EML2: variants seen among roughly 807,000 people sequenced by gnomAD.
The protein encoded by EML2 is EMAP like 2, also known as echinoderm microtubule-associated protein-like 2.
In EML2, 59 loss-of-function variants were observed where a neutral mutation model predicts 84.7. The observed-to-expected ratio is 0.70, with a 90% CI of 0.56 to 0.86. The LOEUF (loss-of-function observed/expected upper bound fraction) is 0.86, where lower values mean the gene tolerates loss of function less well. EML2 is among the 40% of genes least tolerant of loss of function. The pLI, the probability that EML2 is intolerant of heterozygous loss-of-function variation, is 0.00. For missense variants in EML2, 818 were observed against 855.6 expected (o/e 0.96, Z 0.55); for synonymous variants, 352 against 348.9 (o/e 1.01, Z -0.10).
At chr19:45,622,321 C>T (rs1971809043) in intron 9 of EML2, among the ~76,000 whole-genome samples, 1 of 152,142 alleles carries the variant, frequency 6.6e-6, no homozygotes, top group Admixed American at 6.6e-5. Context: ...TTCATCCACC[C>T]ATCTCTCTAC....
At chr19:45,614,401 T>C (rs1036388190) in intron 17 of EML2, among the ~76,000 whole-genome samples, 1 of 151,842 alleles carries the variant, frequency 6.6e-6, no homozygotes, top group African/African-American at 2.4e-5. Context: ...CCTGGCCAGT[T>C]ACCACGCCCA....
intron 7 of EML2, among the ~76,000 whole-genome samples, chr19:45,628,373 GA>G (rs963660391): frequency 1.3e-4 from 18 of 135,986 alleles, no homozygotes; most frequent in South Asian, 2.3e-4. Context: ...ATCTCAAATA[GA>G]AAAAAAAAAA....
rs1450294616 is a variant in EML2 at position 45,609,574 on chromosome 19, A to G, written c.*89T>C. 2.9e-6 allele frequency: 4 copies of G among 1,363,682 alleles called. No individual in the cohort carries two copies. The highest frequency in any genetic ancestry group is 3.9e-6 in the Non-Finnish European group (4 of 1,034,938). The allele number at this position is 1,363,682 out of a possible 1,614,324, so 84.5% of individuals were successfully genotyped here. The stretch of plus-strand genomic sequence containing the variant: ...CCCCATAACCCCCTCTGCTATAGAC[A>G]TACTCTGGGTATATATTACTCTACT... On this transcript the variant is annotated 3_prime_UTR_variant, in exon 19 of 19. Coordinates refer to ENST00000245925, the MANE Select transcript of EML2 (RefSeq NM_012155.4).
intron 3 of EML2, among the ~76,000 whole-genome samples, chr19:45,635,561 A>G (rs1973625650): frequency 6.6e-6 from 1 of 150,756 alleles, no homozygotes; most frequent in African/African-American, 2.4e-5. Context: ...TCCCACTCCA[A>G]AAAAAAATGA....
At chr19:45,635,587 T>G (rs941214698) in intron 3 of EML2, among the ~76,000 whole-genome samples, 10 of 97,834 alleles carry the variant, frequency 1.0e-4, no homozygotes, top group African/African-American at 5.1e-4. Flanking sequence ...TGTTTCCTTT[T>G]TTTTTTTTTT....
At chr19:45,641,944 G>A, upstream of EML2, 1 of 1,443,908 alleles carries the variant, frequency 6.9e-7, no homozygotes, top group South Asian at 1.5e-5. Flanking sequence ...CCTCCTTCTT[G>A]GGAGAGGATG....
intron 16 of EML2, 180 bp from the exon 17 acceptor site, chr19:45,614,880 G>A (rs530921456): frequency 9.4e-5 from 52 of 553,190 alleles, no homozygotes; most frequent in East Asian, 3.2e-4. Flanking sequence ...AGCCCGCAGC[G>A]TAAGCAGGAG....
At position 45,614,666 on chromosome 19, in the gene EML2, C is replaced by T. The variant is rs750362474; in HGVS notation, c.1632G>A (p.Ala544=). Residue 544 remains alanine (A), a synonymous_variant, in exon 17 of 19, where the codon GCG becomes GCA. Transcript: ENST00000245925. ...CCCATTCCATGTTCCTCACAGCATC[C>T]GCACTGGTGATCTGCTTACAGGTAG... ...DPATCKQITS[A]DAVRNMEWAT... The T allele has an allele frequency of 3.9e-5, 63 of 1,613,926 alleles. No homozygotes were observed. The Admixed American group carries it at 6.7e-4, about 17-fold the overall frequency.
intron 18 of EML2, among the ~76,000 whole-genome samples, chr19:45,613,200 T>C (rs1970671151): frequency 6.6e-6 from 1 of 152,154 alleles, no homozygotes; most frequent in South Asian, 2.1e-4. Context: ...CAACTGGCCT[T>C]GGCCTCCCTT....
chr19:45,622,571 C>G (rs1310724961), intron 9 of EML2, among the ~76,000 whole-genome samples: 1 of 152,046 alleles, frequency 6.6e-6, no homozygotes, highest in Non-Finnish European at 1.5e-5. Context: ...GCTGGGATTA[C>G]AGGCATGTGC....
chr19:45,630,101 TC>T, intron 6 of EML2, 55 bp from the exon 7 acceptor site: 4 of 1,327,414 alleles, frequency 3.0e-6, no homozygotes, highest in Admixed American at 3.5e-5. Context: ...GGGCCCATCC[TC>T]CCCCCATGCC....
At chr19:45,617,854 A>C (rs1971267850) in intron 12 of EML2, among the ~76,000 whole-genome samples, 157 bp from the exon 13 acceptor site, 2 of 152,072 alleles carry the variant, frequency 1.3e-5, no homozygotes, top group Admixed American at 1.3e-4. Context: ...CATGGCAGCC[A>C]TTCCTCTTTA....
chr19:45,623,288 G>A (rs1971937247), intron 9 of EML2, among the ~76,000 whole-genome samples: 1 of 152,066 alleles, frequency 6.6e-6, no homozygotes. Context: ...GAACCCAGGA[G>A]GCAGAGCTTG....
chr19:45,642,819 A>C (rs1385466634), upstream of EML2: 2 of 151,832 alleles, frequency 1.3e-5, no homozygotes, highest in Non-Finnish European at 2.9e-5. Flanking sequence ...TAAATTAAAA[A>C]TAAAATAAAA....
In EML2 at chr19:45,619,084, CTGG is replaced by C. The variant is rs777870233; in HGVS notation, c.1227_1229del (p.His409del). On this transcript the variant is annotated inframe_deletion, in exon 12 of 19. Coordinates refer to ENST00000245925, the MANE Select transcript of EML2 (RefSeq NM_012155.4). ...CCTCGATGATCCTGCTCCACAGGGG[CTGG>C]TGGGAATCTGAGCTCCATAGATGCA... The C allele has an allele frequency of 6.2e-7, 1 of 1,613,092 alleles. No homozygotes were observed. The highest frequency in any genetic ancestry group is 8.5e-7 in the Non-Finnish European group (1 of 1,179,454).
At chr19:45,643,797 C>T (rs868399564), upstream of EML2, 2 of 1,460,532 alleles carry the variant, frequency 1.4e-6, no homozygotes, top group African/African-American at 1.4e-5. Context: ...CCCTGCCCCC[C>T]ACTCAGCGCC....
chr19:45,614,671 T>C lies in EML2; in HGVS notation c.1627A>G (p.Ser543Gly), dbSNP rs1194536692. Reference protein sequence around the residue: ...WDPATCKQITSADAVRNMEWA... With the variant: ...WDPATCKQITGADAVRNMEWA... ...TCCATGTTCCTCACAGCATCCGCACTGGTGATCTGCTTACAGGTAGCCGGG... is the reference window on the plus strand; with the variant it reads ...TCCATGTTCCTCACAGCATCCGCACCGGTGATCTGCTTACAGGTAGCCGGG... Residue 543 changes from serine to glycine, a missense_variant, in exon 17 of 19, where the codon AGT (serine) becomes GGT (glycine). Ser to Gly is a moderately conservative substitution (Grantham distance 56, BLOSUM62 0). Transcript: ENST00000245925. 1 of 1,614,088 alleles carries C rather than the reference T, an allele frequency of 6.2e-7. No homozygotes were observed. The highest frequency in any genetic ancestry group is 8.5e-7 in the Non-Finnish European group (1 of 1,179,944).
intron 3 of EML2, among the ~76,000 whole-genome samples, chr19:45,637,645 A>G (rs1487411362): frequency 1.2e-5 from 1 of 80,184 alleles, no homozygotes; most frequent in Non-Finnish European, 2.5e-5. Flanking sequence ...ATGGCTGGCT[A>G]TTTTTTTTTT....
rs756486242 is a variant in EML2, at chr19:45,634,305, T to C, written c.329+17A>G. The C allele has an allele frequency of 6.2e-7, 1 of 1,612,620 alleles. No homozygotes were observed. Among genetic ancestry groups the C allele is most frequent in the African/African-American group, 1.3e-5 (1 of 74,960 alleles). On this transcript the variant is annotated intron_variant, in intron 4 of 18. Coordinates refer to ENST00000245925, the MANE Select transcript of EML2 (RefSeq NM_012155.4). ...CCAGCCACAGCTCCCTCCCGTCCCC[T>C]CTGTCCCACATCTCACCATTTGATG...
Sources: gnomAD v4.1 joint callset for allele counts (sites outside exome capture counted in the v4.1 genomes callset) on GRCh38, gnomAD v4.1.1 for gene constraint, MANE v1.5 for transcripts, NCBI Gene and HGNC (gene_info 2026-07-23, HGNC 2026-07-21) for gene names.